The following TPRX1 variants were observed in gnomAD, a reference collection of about 807,000 sequenced individuals.
TPRX1 encodes the protein tetra-peptide repeat homeobox protein 1.
In TPRX1, 2 loss-of-function variants were observed where a neutral mutation model predicts 8.1. The ratio of observed to expected loss-of-function variants is 0.25; its 90% CI spans 0.10 to 0.78. The LOEUF (loss-of-function observed/expected upper bound fraction) is 0.78, where lower values mean the gene tolerates loss of function less well. Ranked by LOEUF, TPRX1 falls within the 30% of genes least tolerant of loss-of-function variation. The pLI, the probability that TPRX1 is intolerant of heterozygous loss-of-function variation, is 0.70. For synonymous variants in TPRX1, 257 were observed against 254.1 expected (o/e 1.01, Z -0.11); for missense variants, 517 against 586.9 (o/e 0.88, Z 1.23).
chr19:47,805,057 A>T (rs1051309871), intron 2 of TPRX1, among the ~76,000 whole-genome samples: 7 of 152,052 alleles, frequency 4.6e-5, no homozygotes, highest in Admixed American at 1.3e-4. Flanking sequence ...CCTCAAGGCC[A>T]CTCTGGCCCC....
chr19:47,802,860 A>C lies in TPRX1; in HGVS notation c.442T>G (p.Ser148Ala), dbSNP rs773049911. The C allele has an allele frequency of 4.4e-6, 7 of 1,600,422 alleles. No homozygotes were observed. The African/African-American group carries it at 5.3e-5, about 12-fold the overall frequency. Residue 148 changes from serine (S) to alanine (A), a missense_variant, in exon 4 of 4, where the codon TCT becomes GCT. Coordinates refer to ENST00000535759, the Ensembl canonical transcript of TPRX1. ...GGGCCCCGCTGAGGTGCGGAGGCAG[A>C]GGCTGCAGGGACTAGGGGCGCAGCG... is the stretch of plus-strand genomic sequence containing the variant.
intron 2 of TPRX1, among the ~76,000 whole-genome samples, chr19:47,806,154 G>T (rs1198679873): frequency 6.6e-6 from 1 of 151,180 alleles, no homozygotes; most frequent in Non-Finnish European, 1.5e-5. Flanking sequence ...CCCGGGAGGC[G>T]GAGGCTACAG....
intron 2 of TPRX1, among the ~76,000 whole-genome samples, chr19:47,817,066 A>G (rs372236893): frequency 2.1e-4 from 32 of 152,294 alleles, no homozygotes; most frequent in South Asian, 1.0e-3. Context: ...AGAGCTGTGG[A>G]GTTCGGCACC....
rs1290345291 is a variant in TPRX1 at position 47,811,391 on chromosome 19, T to G, written c.151+7077A>C. 2.6e-5 allele frequency among the ~76,000 whole-genome samples: 4 copies of G among 151,974 alleles called. No homozygotes were observed. In the East Asian group the frequency reaches 7.7e-4, roughly 29 times the overall value. ...ACACGCATGAACCAGGGTGAGGTAT[T>G]GATCGATTGATGACAATAGTGTGAG... On this transcript the variant is annotated intron_variant, in intron 2 of 3. Transcript: ENST00000535759.
At chr19:47,816,820 C>CTG (rs1967848325) in intron 2 of TPRX1, among the ~76,000 whole-genome samples, 7 of 152,218 alleles carry the variant, frequency 4.6e-5, no homozygotes, top group Admixed American at 3.9e-4. Context: ...GCGTGAGCCA[C>CTG]CACGCCCAGC....
At chr19:47,802,786 C>G in exon 4 of TPRX1, 1 of 1,603,948 alleles carries the variant, frequency 6.2e-7, no homozygotes, top group Non-Finnish European at 8.5e-7. Flanking sequence ...CACCCCAGGC[C>G]TGGTGGAGGC....
chr19:47,816,279 G>A (rs932624017), intron 2 of TPRX1, among the ~76,000 whole-genome samples: 7 of 152,070 alleles, frequency 4.6e-5, no homozygotes, highest in African/African-American at 1.7e-4. Context: ...TGTGGGCCAG[G>A]CTGGTCTTGA....
At chr19:47,808,729 T>TC (rs764395959) in intron 2 of TPRX1, among the ~76,000 whole-genome samples, 2 of 152,082 alleles carry the variant, frequency 1.3e-5, no homozygotes, top group Admixed American at 6.6e-5. Context: ...ATGCTGGGAT[T>TC]ACAGGTGTGA....
At position 47,818,321 on chromosome 19, in the gene TPRX1, C is replaced by T. The variant is rs1407920295; in HGVS notation, c.151+147G>A. ...ATCCACCCATCCATCACCCATCCATCCATCCATCCATCCATCCATCATCCA... is the reference window on the plus strand; with the variant it reads ...ATCCACCCATCCATCACCCATCCATTCATCCATCCATCCATCCATCATCCA... On this transcript the variant is annotated intron_variant, in intron 2 of 3. Coordinates refer to ENST00000535759, the Ensembl canonical transcript of TPRX1. The T allele has an allele frequency of 9.8e-6, 3 of 305,090 alleles. No individual in the cohort carries two copies. The East Asian group carries it at 3.0e-4, about 31-fold the overall frequency. The allele number at this position is 305,090 out of a possible 1,614,324, so 18.9% of individuals were successfully genotyped here. A position where few individuals can be genotyped will look rare whatever the true frequency, so the allele number is the denominator to read the frequency against.
intron 2 of TPRX1, among the ~76,000 whole-genome samples, chr19:47,807,376 ATTAAAT>A (rs2123714769): frequency 6.6e-6 from 1 of 152,000 alleles, no homozygotes; most frequent in East Asian, 1.9e-4. Context: ...ACTTTATTTA[ATTAAAT>A]TTATTTATGT....
rs565480649 is a variant in TPRX1, at chr19:47,814,060, A to ATTT, written c.151+4405_151+4407dup. ...GGTTAGAAGGGTGCCAACATTGCTGATTTTTTTTTTTTTTGAGACAGAGTC... is the reference window on the plus strand; with the variant it reads ...GGTTAGAAGGGTGCCAACATTGCTGATTTTTTTTTTTTTTTTTGAGACAGAGTC... On this transcript the variant is annotated intron_variant, in intron 2 of 3. Coordinates refer to ENST00000535759, the Ensembl canonical transcript of TPRX1. Among the ~76,000 whole-genome samples, 81 of 139,550 alleles carry ATTT rather than the reference A, an allele frequency of 5.8e-4. 1 individual carries two copies. The highest frequency in any genetic ancestry group is 1.4e-3 in the South Asian group (6 of 4,288). 91.6% of individuals were successfully genotyped at this position (139,550 alleles called of 152,430 possible).
Position 47,804,847 on chromosome 19 carries a change from C to T in TPRX1, c.152-1174G>A, listed in dbSNP as rs114778633. ...CGGGTTTGGTTGGGGGAGTCAACATCGTGACCTGTGGTTGGGGTCCCCATC... is the reference window on the plus strand; with the variant it reads ...CGGGTTTGGTTGGGGGAGTCAACATTGTGACCTGTGGTTGGGGTCCCCATC... On this transcript the variant is annotated intron_variant, in intron 2 of 3. Coordinates refer to ENST00000535759, the Ensembl canonical transcript of TPRX1. Among the ~76,000 whole-genome samples the T allele has an allele frequency of 8.0e-3, 1,215 of 152,310 alleles. 19 individuals are homozygous for T. The highest frequency in any genetic ancestry group is 0.027 in the African/African-American group (1,130 of 41,566).
intron 2 of TPRX1, among the ~76,000 whole-genome samples, chr19:47,813,953 G>A (rs2123719310): frequency 6.6e-6 from 1 of 151,078 alleles, no homozygotes; most frequent in Admixed American, 6.6e-5. Context: ...GGCGTGGTGG[G>A]GGCGGGGTGG....
chr19:47,807,125 C>T (rs1018324639), intron 2 of TPRX1, among the ~76,000 whole-genome samples: 8 of 152,094 alleles, frequency 5.3e-5, no homozygotes, highest in South Asian at 2.1e-4. Context: ...AGGCTGGCCT[C>T]GAATGCCTGA....
intron 2 of TPRX1, among the ~76,000 whole-genome samples, chr19:47,806,418 G>A (rs920668758): frequency 6.6e-6 from 1 of 151,878 alleles, no homozygotes; most frequent in African/African-American, 2.4e-5. Flanking sequence ...TACTTGTTAG[G>A]CTGAGGTAGG....
At chr19:47,806,610 G>T (rs905814425) in intron 2 of TPRX1, among the ~76,000 whole-genome samples, 1 of 152,156 alleles carries the variant, frequency 6.6e-6, no homozygotes, top group Admixed American at 6.6e-5. Context: ...ACTCAACCAT[G>T]AAAAGGAATA....
At chr19:47,803,035 G>A in intron 3 of TPRX1, 55 bp from the exon 3 acceptor site, 2 of 1,489,632 alleles carry the variant, frequency 1.3e-6, no homozygotes, top group East Asian at 2.4e-5. Context: ...GCGCGGCCCA[G>A]TGAGCCTTTT....
intron 2 of TPRX1, among the ~76,000 whole-genome samples, chr19:47,815,930 C>T (rs1181334398): frequency 6.6e-6 from 1 of 152,040 alleles, no homozygotes; most frequent in Non-Finnish European, 1.5e-5. Context: ...CTGGAGAGGA[C>T]CCTGGAGTGT....
intron 2 of TPRX1, among the ~76,000 whole-genome samples, chr19:47,818,312 C>CTCAT (rs1967865650): frequency 9.8e-6 from 1 of 101,826 alleles, no homozygotes; most frequent in Non-Finnish European, 1.9e-5. Flanking sequence ...CCATCCATCA[C>CTCAT]CCATCCATCC....
Sources: allele counts gnomAD v4.1 joint callset (sites outside exome capture counted in the v4.1 genomes callset), GRCh38; gene constraint gnomAD v4.1.1; transcripts MANE v1.5; gene names NCBI Gene and HGNC (gene_info 2026-07-23, HGNC 2026-07-21).